The following GABRG3 variants were observed in gnomAD, a reference collection of about 807,000 sequenced individuals.
The protein encoded by GABRG3 is gamma-aminobutyric acid receptor subunit gamma-3.
GABRG3 carries 25 observed loss-of-function variants against 48.8 expected under a neutral mutation model. That is an observed-to-expected ratio of 0.51 (90% CI 0.37 to 0.72). GABRG3 has a LOEUF of 0.72. GABRG3 is among the 30% of genes least tolerant of loss of function. GABRG3 has a pLI of 0.00. For synonymous variants in GABRG3, 227 were observed against 217.6 expected (o/e 1.04, Z -0.38); for missense variants, 394 against 577.9 (o/e 0.68, Z 3.26).
intron 3 of GABRG3, among the ~76,000 whole-genome samples, chr15:27,281,752 A>G (rs1048787735): frequency 2.0e-5 from 3 of 151,808 alleles, no homozygotes; most frequent in Non-Finnish European, 2.9e-5. Flanking sequence ...AATACAGCAG[A>G]CAATATTATA....
rs1195931706 is a variant in GABRG3 at position 27,227,359 on chromosome 15, T to C, written c.271-99450T>C. On this transcript the variant is annotated intron_variant, in intron 3 of 9. Coordinates refer to ENST00000615808, the MANE Select transcript of GABRG3 (RefSeq NM_033223.5). ...CAGAAAAGTTACCTGGGCCTGGGCG[T>C]GGTGGTGTGCACCTGTAGTCCTTTG... 3.3e-5 allele frequency among the ~76,000 whole-genome samples: 5 copies of C among 151,890 alleles called. No homozygotes were observed. The East Asian group carries it at 9.7e-4, about 29-fold the overall frequency.
intron 3 of GABRG3, among the ~76,000 whole-genome samples, chr15:27,172,341 G>A (rs972510792): frequency 6.6e-6 from 1 of 152,148 alleles, no homozygotes; most frequent in African/African-American, 2.4e-5. Context: ...AGTTCTTAGT[G>A]TGCTTGTCAC....
intron 3 of GABRG3, among the ~76,000 whole-genome samples, chr15:27,259,305 C>T (rs571178002): frequency 6.6e-6 from 1 of 152,258 alleles, no homozygotes; most frequent in African/African-American, 2.4e-5. Context: ...CTTTAGCTTC[C>T]TGACATCTGC....
chr15:27,324,169 G>A (rs1345213605), intron 3 of GABRG3, among the ~76,000 whole-genome samples: 1 of 152,166 alleles, frequency 6.6e-6, no homozygotes, highest in African/African-American at 2.4e-5. Flanking sequence ...CTTCAAAGGA[G>A]GCAACTCAAA....
intron 3 of GABRG3, among the ~76,000 whole-genome samples, chr15:27,187,163 A>C (rs1317717048): frequency 2.0e-5 from 3 of 152,178 alleles, no homozygotes; most frequent in Admixed American, 2.0e-4. Context: ...TTATCCCAGC[A>C]TTATTTATTG....
At position 26,976,539 on chromosome 15, in the gene GABRG3, G is replaced by A. The variant is rs999810978; in HGVS notation, c.54-463G>A. On this transcript the variant is annotated intron_variant, in intron 1 of 9. Coordinates refer to ENST00000615808, the MANE Select transcript of GABRG3 (RefSeq NM_033223.5). This position sits in a 1 kb window ranked among gnomAD's most constrained non-coding sequence, Gnocchi z 7.8. Reference sequence around the variant, plus strand: ...TGAGTCAGACTCAACTATTTTGAATGAGTCCACTCTGCAAAAGCTAATCTC... The same window carrying A: ...TGAGTCAGACTCAACTATTTTGAATAAGTCCACTCTGCAAAAGCTAATCTC... Among the ~76,000 whole-genome samples the A allele has an allele frequency of 6.6e-6, 1 of 152,028 alleles. No homozygotes were observed. Among genetic ancestry groups the A allele is most frequent in the Non-Finnish European group, 1.5e-5 (1 of 68,020 alleles).
intron 3 of GABRG3, among the ~76,000 whole-genome samples, chr15:27,054,057 A>G (rs1163157840): frequency 6.6e-6 from 1 of 152,148 alleles, no homozygotes; most frequent in Non-Finnish European, 1.5e-5. Context: ...CAGGAGTTCG[A>G]GACCAGCCTG....
At chr15:27,028,717 A>G (rs1310684640) in intron 3 of GABRG3, among the ~76,000 whole-genome samples, 11 of 151,678 alleles carry the variant, frequency 7.3e-5, no homozygotes, top group Admixed American at 7.2e-4. Flanking sequence ...GAGGCAGAAG[A>G]ATCGCTTGAA....
intron 3 of GABRG3, among the ~76,000 whole-genome samples, chr15:27,275,189 T>A (rs1891213417): frequency 6.6e-6 from 1 of 152,186 alleles, no homozygotes; most frequent in South Asian, 2.1e-4. Context: ...CATGTGACAG[T>A]CTCAAATGTT....
intron 6 of GABRG3, among the ~76,000 whole-genome samples, chr15:27,495,131 C>A (rs1025268274): frequency 6.6e-6 from 1 of 152,096 alleles, no homozygotes; most frequent in Non-Finnish European, 1.5e-5. Context: ...AATTCCTCCT[C>A]CCCCCAACCC....
chr15:27,532,964 A>G lies in GABRG3; in HGVS notation c.*83A>G. 1.5e-6 allele frequency: 2 copies of G among 1,343,200 alleles called. No individual in the cohort carries two copies. Among genetic ancestry groups the G allele is most frequent in the Non-Finnish European group, 2.0e-6 (2 of 977,568 alleles). 83.2% of individuals were successfully genotyped at this position (1,343,200 alleles called of 1,614,324 possible). A position where few individuals can be genotyped will look rare whatever the true frequency, so the allele number is the denominator to read the frequency against. On this transcript the variant is annotated 3_prime_UTR_variant, in exon 10 of 10. Coordinates refer to ENST00000615808, the MANE Select transcript of GABRG3 (RefSeq NM_033223.5). ...CCCAGACCAGTAGTGACCAATCGGG[A>G]GTAGCAAGGAAGGACACTGCCCAGT...
chr15:26,980,543 G>T (rs1183639255), intron 2 of GABRG3, among the ~76,000 whole-genome samples: 2 of 151,948 alleles, frequency 1.3e-5, no homozygotes, highest in Non-Finnish European at 2.9e-5. Context: ...GCCAGGCGTG[G>T]TGGCGGGCGC....
intron 3 of GABRG3, among the ~76,000 whole-genome samples, chr15:27,232,843 C>T (rs1434829146): frequency 6.6e-6 from 1 of 152,176 alleles, no homozygotes. Context: ...TAGTCAGGCC[C>T]ATGGTGGTTA....
chr15:27,418,220 C>T (rs904875639), intron 5 of GABRG3, among the ~76,000 whole-genome samples: 5 of 152,184 alleles, frequency 3.3e-5, no homozygotes, highest in Non-Finnish European at 7.3e-5. Context: ...ACAAGAAGTA[C>T]TCCAGGCCAT....
chr15:27,528,725 T>C (rs1891345104), intron 9 of GABRG3, among the ~76,000 whole-genome samples: 1 of 152,228 alleles, frequency 6.6e-6, no homozygotes, highest in South Asian at 2.1e-4. Context: ...CACTCGTTTA[T>C]TTTTGATTTG....
At chr15:27,480,266 G>T (rs1371417613) in intron 5 of GABRG3, among the ~76,000 whole-genome samples, 1 of 152,208 alleles carries the variant, frequency 6.6e-6, no homozygotes, top group African/African-American at 2.4e-5. Flanking sequence ...TGGAAGGTGT[G>T]TGGGCATGGG....
At chr15:27,132,365 C>T (rs1349819592) in intron 3 of GABRG3, among the ~76,000 whole-genome samples, 1 of 151,008 alleles carries the variant, frequency 6.6e-6, no homozygotes, top group Non-Finnish European at 1.5e-5. Flanking sequence ...ATCCAGTTTT[C>T]AGAGCACAAT....
chr15:27,249,217 C>A (rs1441093727), intron 3 of GABRG3, among the ~76,000 whole-genome samples: 3 of 152,108 alleles, frequency 2.0e-5, no homozygotes, highest in African/African-American at 7.2e-5. Context: ...GCGTGGCGCT[C>A]CGGGGAGGCT....
Position 27,159,224 on chromosome 15 carries a change from A to G in GABRG3, c.270+132403A>G, listed in dbSNP as rs208157. 9.5e-3 allele frequency among the ~76,000 whole-genome samples: 1,449 copies of G among 152,206 alleles called. 26 individuals carry two copies. Among genetic ancestry groups the G allele is most frequent in the African/African-American group, 0.033 (1,368 of 41,542 alleles). On this transcript the variant is annotated intron_variant, in intron 3 of 9. Coordinates refer to ENST00000615808, the MANE Select transcript of GABRG3 (RefSeq NM_033223.5). ...AGGCCGGGCATGGTGGTTCACGCCT[A>G]TAATCCCAGCACTTTGGAAGTACGA... is the stretch of plus-strand genomic sequence containing the variant.
Sources: gnomAD v4.1 joint callset for allele counts (sites outside exome capture counted in the v4.1 genomes callset) on GRCh38, gnomAD v4.1.1 for gene constraint, Gnocchi (gnomAD v3.1) non-coding constraint, MANE v1.5 for transcripts, NCBI Gene and HGNC (gene_info 2026-07-23, HGNC 2026-07-21) for gene names.